THADA: variants seen among roughly 807,000 people sequenced by gnomAD.
THADA encodes the protein tRNA (32-2'-O)-methyltransferase regulator THADA.
In THADA, 213 loss-of-function variants were observed where a neutral mutation model predicts 219.8. The observed-to-expected ratio is 0.97, with a 90% CI of 0.87 to 1.09. THADA has a LOEUF of 1.09. Ranked by LOEUF, THADA falls within the 50% of genes least tolerant of loss-of-function variation. The probability of loss-of-function intolerance (pLI) is 0.00; values close to 1 mark genes in which losing one functional copy is unlikely to be tolerated. For synonymous variants in THADA, 1,018 were observed against 828.9 expected, an observed-to-expected ratio of 1.23 and a Z score of -3.92; for missense variants, 2,956 against 2,311.3, an observed-to-expected ratio of 1.28 and a Z score of -5.72.
chr2:43,417,961 C>T (rs1019566031), intron 28 of THADA, among the ~76,000 whole-genome samples: 1 of 152,046 alleles, frequency 6.6e-6, no homozygotes. Flanking sequence ...TATTGCCTGG[C>T]TTATAGTAAA....
At chr2:43,487,653 T>C (rs1375222553) in intron 25 of THADA, among the ~76,000 whole-genome samples, 3 of 152,130 alleles carry the variant, frequency 2.0e-5, no homozygotes, top group African/African-American at 7.2e-5. Flanking sequence ...CCTTGGGAAA[T>C]AATTAAGTCA....
At chr2:43,503,072 A>C (rs115650890) in intron 24 of THADA, among the ~76,000 whole-genome samples, 3,237 of 152,328 alleles carry the variant, frequency 0.021, 43 homozygotes, top group African/African-American at 0.044. Flanking sequence ...AAGTCTGATA[A>C]TACAAAGGTG....
chr2:43,496,404 C>G (rs1207507350), intron 25 of THADA, among the ~76,000 whole-genome samples: 1 of 152,130 alleles, frequency 6.6e-6, no homozygotes, highest in Non-Finnish European at 1.5e-5. Context: ...GAACATATTA[C>G]AAAAGAAAAT....
intron 34 of THADA, among the ~76,000 whole-genome samples, chr2:43,291,273 A>C (rs1674666741): frequency 6.6e-6 from 1 of 151,390 alleles, no homozygotes; most frequent in Non-Finnish European, 1.5e-5. Context: ...AACATGGTGA[A>C]ACCCCGCCTC....
intron 28 of THADA, among the ~76,000 whole-genome samples, chr2:43,411,630 G>C (rs936298593): frequency 6.6e-6 from 1 of 152,022 alleles, no homozygotes; most frequent in African/African-American, 2.4e-5. Flanking sequence ...CCAAATCAGT[G>C]GATTATTTTT....
At chr2:43,582,602 C>G (rs1352533378) in intron 7 of THADA, among the ~76,000 whole-genome samples, 1 of 147,854 alleles carries the variant, frequency 6.8e-6, no homozygotes, top group African/African-American at 2.5e-5. Context: ...GAGTCTCCCC[C>G]TCTGTCACCC....
At chr2:43,498,555 T>C (rs942939287) in intron 25 of THADA, among the ~76,000 whole-genome samples, 3 of 152,122 alleles carry the variant, frequency 2.0e-5, no homozygotes, top group African/African-American at 4.8e-5. Flanking sequence ...GTAATATCAC[T>C]TGAGAGTAGT....
At chr2:43,566,420 A>G (rs916419572) in intron 15 of THADA, 2 of 700,696 alleles carry the variant, frequency 2.9e-6, no homozygotes, top group Non-Finnish European at 2.6e-6. Flanking sequence ...CAACAAACAA[A>G]TTAGTGAGGT....
chr2:43,369,203 T>C (rs188997669), intron 29 of THADA, among the ~76,000 whole-genome samples: 1 of 152,104 alleles, frequency 6.6e-6, no homozygotes, highest in African/African-American at 2.4e-5. Context: ...CTTGGAAGAG[T>C]CTCCCGTTGT....
At chr2:43,431,518 T>A (rs893473477) in intron 26 of THADA, among the ~76,000 whole-genome samples, 2 of 152,150 alleles carry the variant, frequency 1.3e-5, no homozygotes, top group African/African-American at 4.8e-5. Flanking sequence ...CAGGCTGGAG[T>A]GCAGTGGTGC....
At chr2:43,260,091 C>T (rs945710359) in intron 36 of THADA, among the ~76,000 whole-genome samples, 3 of 152,170 alleles carry the variant, frequency 2.0e-5, no homozygotes, top group African/African-American at 7.2e-5. Flanking sequence ...TCAAGCAATT[C>T]TCCTGCCTCA....
intron 22 of THADA, among the ~76,000 whole-genome samples, chr2:43,523,825 C>A (rs1343929006): frequency 6.6e-6 from 1 of 152,108 alleles, no homozygotes; most frequent in African/African-American, 2.4e-5. Flanking sequence ...AAGAGTAAGA[C>A]AACATCAAGC....
chr2:43,575,361 G>A (rs1224481253), intron 10 of THADA, among the ~76,000 whole-genome samples: 1 of 152,118 alleles, frequency 6.6e-6, no homozygotes, highest in East Asian at 1.9e-4. Context: ...GAGGTGGGAG[G>A]ATTGCTTGAG....
chr2:43,255,521 AG>A (rs544638654), intron 36 of THADA, among the ~76,000 whole-genome samples: 260 of 152,248 alleles, frequency 1.7e-3, no homozygotes, highest in African/African-American at 6.1e-3. Context: ...GTGAAGGTGA[AG>A]GATTAAACAG....
At chr2:43,350,614 A>C (rs931129564) in intron 29 of THADA, among the ~76,000 whole-genome samples, 2 of 152,140 alleles carry the variant, frequency 1.3e-5, no homozygotes, top group African/African-American at 4.8e-5. Flanking sequence ...AGAGCTCAAC[A>C]TGTTGTTTTT....
At chr2:43,381,802 C>T (rs1486078587) in intron 29 of THADA, among the ~76,000 whole-genome samples, 1 of 152,098 alleles carries the variant, frequency 6.6e-6, no homozygotes, top group East Asian at 1.9e-4. Context: ...CCATGCTGGT[C>T]TCAAACTCCT....
chr2:43,450,147 C>G (rs1020393074), intron 26 of THADA, among the ~76,000 whole-genome samples: 1 of 152,098 alleles, frequency 6.6e-6, no homozygotes, highest in Non-Finnish European at 1.5e-5. Context: ...CATTGTAACT[C>G]TGGTTTATAA....
intron 26 of THADA, among the ~76,000 whole-genome samples, chr2:43,457,530 T>C (rs958557780): frequency 1.3e-5 from 2 of 152,306 alleles, no homozygotes; most frequent in Non-Finnish European, 1.5e-5. Flanking sequence ...GAAAAATGAC[T>C]GATACAAAGA....
At chr2:43,542,523 G>A (rs1035206162) in intron 20 of THADA, among the ~76,000 whole-genome samples, 14 of 152,194 alleles carry the variant, frequency 9.2e-5, no homozygotes, top group Non-Finnish European at 4.4e-5. Context: ...TGCTTCTGAT[G>A]ACGTTTTACA....
Sources: allele counts gnomAD v4.1 joint callset (sites outside exome capture counted in the v4.1 genomes callset), GRCh38; gene constraint gnomAD v4.1.1; transcripts MANE v1.5; gene names NCBI Gene and HGNC (gene_info 2026-07-23, HGNC 2026-07-21).